Variants in PCSK5 observed in about 807,000 individuals in gnomAD.
PCSK5 encodes the protein proprotein convertase subtilisin/kexin type 5.
In PCSK5, 129 loss-of-function variants were observed where a neutral mutation model predicts 233.2. That is an observed-to-expected ratio of 0.55 (90% CI 0.48 to 0.64). PCSK5 has a LOEUF of 0.64. Among genes scored for constraint, PCSK5 ranks in the 30% least tolerant of loss-of-function variants. The probability of loss-of-function intolerance (pLI) is 0.00; values close to 1 mark genes in which losing one functional copy is unlikely to be tolerated. For missense variants in PCSK5, 2,076 were observed against 2,430.1 expected (o/e 0.85, Z 3.06); for synonymous variants, 825 against 879.2 (o/e 0.94, Z 1.09).
At chr9:76,107,114 A>G in intron 8 of PCSK5, 137 bp from the exon 9 acceptor site, 1 of 553,102 alleles carries the variant, frequency 1.8e-6, no homozygotes, top group Non-Finnish European at 3.2e-6. Context: ...GATATGATTT[A>G]CAGGCGTGTA....
chr9:76,274,434 C>T (rs904700838), intron 24 of PCSK5, among the ~76,000 whole-genome samples: 3 of 152,080 alleles, frequency 2.0e-5, no homozygotes, highest in Admixed American at 6.6e-5. Flanking sequence ...TTTCTGCTGA[C>T]TTTCTCTCAT....
intron 28 of PCSK5, among the ~76,000 whole-genome samples, chr9:76,308,184 G>A (rs980859183): frequency 2.6e-5 from 4 of 152,132 alleles, no homozygotes; most frequent in African/African-American, 7.2e-5. Flanking sequence ...GCTACAGAGT[G>A]AGACTCTGTC....
chr9:76,250,198 A>G (rs1757657329), intron 24 of PCSK5, among the ~76,000 whole-genome samples: 1 of 152,158 alleles, frequency 6.6e-6, no homozygotes, highest in Admixed American at 6.5e-5. Context: ...GCTACTCAGG[A>G]GGCTGAGCCA....
chr9:75,984,707 A>G (rs535213530), intron 2 of PCSK5, among the ~76,000 whole-genome samples: 48 of 152,302 alleles, frequency 3.2e-4, no homozygotes, highest in South Asian at 2.1e-3. Flanking sequence ...TAAGTCCTTC[A>G]AAGGTAAAAC....
At chr9:75,956,059 A>G (rs1414621839) in intron 2 of PCSK5, among the ~76,000 whole-genome samples, 1 of 152,166 alleles carries the variant, frequency 6.6e-6, no homozygotes, top group Non-Finnish European at 1.5e-5. Context: ...TAACCACTAC[A>G]CTATATTGCC....
At chr9:76,269,109 T>A (rs1196470284) in intron 24 of PCSK5, among the ~76,000 whole-genome samples, 1 of 152,198 alleles carries the variant, frequency 6.6e-6, no homozygotes, top group Non-Finnish European at 1.5e-5. Context: ...AGTCATTTGC[T>A]CCTCAGCCCC....
intron 20 of PCSK5, among the ~76,000 whole-genome samples, chr9:76,226,547 G>A (rs1415742091): frequency 6.6e-6 from 1 of 152,142 alleles, no homozygotes; most frequent in African/African-American, 2.4e-5. Flanking sequence ...GATTGACAGT[G>A]TTCAGACATG....
At chr9:75,935,317 T>C (rs1824002620) in intron 2 of PCSK5, among the ~76,000 whole-genome samples, 1 of 152,138 alleles carries the variant, frequency 6.6e-6, no homozygotes, top group African/African-American at 2.4e-5. Flanking sequence ...TCCACCCTCC[T>C]CGGCCTCCCA....
chr9:76,251,290 G>A (rs190694111), intron 24 of PCSK5, among the ~76,000 whole-genome samples: 156 of 151,418 alleles, frequency 1.0e-3, no homozygotes, highest in South Asian at 5.2e-3. Context: ...AAGGCCAGGC[G>A]CGGTGGCTCA....
chr9:76,228,095 T>C (rs1447545550), intron 21 of PCSK5, among the ~76,000 whole-genome samples: 1 of 151,720 alleles, frequency 6.6e-6, no homozygotes, highest in Non-Finnish European at 1.5e-5. Flanking sequence ...TGAGCCTCCC[T>C]AGAAGCTGGG....
chr9:75,903,604 ATATATAT>A (rs1210659747), intron 1 of PCSK5, among the ~76,000 whole-genome samples: 1 of 142,670 alleles, frequency 7.0e-6, no homozygotes, highest in African/African-American at 2.6e-5. Flanking sequence ...TATATTATAT[ATATATAT>A]TATATATATA....
chr9:75,927,249 C>T (rs1200805082), intron 1 of PCSK5, among the ~76,000 whole-genome samples: 1 of 152,106 alleles, frequency 6.6e-6, no homozygotes, highest in Non-Finnish European at 1.5e-5. Flanking sequence ...TGTGAGATGT[C>T]CATTCAAGCT....
chr9:76,029,190 A>G (rs1828554166), intron 5 of PCSK5, among the ~76,000 whole-genome samples: 1 of 152,144 alleles, frequency 6.6e-6, no homozygotes, highest in Admixed American at 6.6e-5. Context: ...CTTTCATGAC[A>G]AAGATGTTAG....
In PCSK5 at chr9:76,046,855, C is replaced by T. The variant is rs564185206; in HGVS notation, c.632+19818C>T. On this transcript the variant is annotated intron_variant, in intron 5 of 37. Coordinates refer to ENST00000674117, the MANE Select transcript of PCSK5 (RefSeq NM_001372043.1). ...GATTACAGGCATGAGCCACCGCGCC[C>T]GGCCAACTGTAGTTCTTAAGTATTG... 8.5e-5 allele frequency among the ~76,000 whole-genome samples: 13 copies of T among 152,208 alleles called. No homozygotes were observed. In the East Asian group the frequency reaches 1.7e-3, roughly 20 times the overall value.
chr9:76,025,433 C>A (rs923110389), intron 4 of PCSK5, among the ~76,000 whole-genome samples: 1 of 151,588 alleles, frequency 6.6e-6, no homozygotes, highest in Non-Finnish European at 1.5e-5. Flanking sequence ...CCAAGCCACT[C>A]AACAGACCAC....
intron 2 of PCSK5, among the ~76,000 whole-genome samples, chr9:75,963,485 GT>G (rs1825443469): frequency 6.6e-6 from 1 of 152,224 alleles, no homozygotes; most frequent in Non-Finnish European, 1.5e-5. Flanking sequence ...TAGTTTTCCT[GT>G]GGTTTTTAGC....
chr9:76,100,429 G>A (rs1038046369), intron 8 of PCSK5, among the ~76,000 whole-genome samples: 2 of 152,202 alleles, frequency 1.3e-5, no homozygotes, highest in Non-Finnish European at 2.9e-5. Flanking sequence ...ACATCTCATT[G>A]TATTCTTGGG....
At chr9:76,027,095 T>C in intron 5 of PCSK5, 58 bp downstream of exon 5, 1 of 1,062,984 alleles carries the variant, frequency 9.4e-7, no homozygotes, top group South Asian at 1.4e-5. Context: ...TGTTTTCTGC[T>C]CATACTGAGG....
intron 2 of PCSK5, among the ~76,000 whole-genome samples, chr9:75,959,278 G>A (rs1478465898): frequency 1.3e-5 from 2 of 152,212 alleles, no homozygotes; most frequent in Non-Finnish European, 2.9e-5. Context: ...AACTTCAGAT[G>A]CAAGACAGAG....
Sources: gnomAD v4.1 joint callset for allele counts (sites outside exome capture counted in the v4.1 genomes callset) on GRCh38, gnomAD v4.1.1 for gene constraint, MANE v1.5 for transcripts, NCBI Gene and HGNC (gene_info 2026-07-23, HGNC 2026-07-21) for gene names.